The following SLC7A6 variants were observed in gnomAD, a reference collection of about 807,000 sequenced individuals.
SLC7A6 encodes Y+L amino acid transporter 2.
A neutral mutation model predicts 46.6 loss-of-function variants in SLC7A6; 29 were observed. The ratio of observed to expected loss-of-function variants is 0.62; its 90% CI spans 0.46 to 0.85. SLC7A6 has a LOEUF of 0.85. Among genes scored for constraint, SLC7A6 ranks in the 40% least tolerant of loss-of-function variants. The probability of loss-of-function intolerance (pLI) is 0.00; values close to 1 mark genes in which losing one functional copy is unlikely to be tolerated. For synonymous variants in SLC7A6, 276 were observed against 257.3 expected (o/e 1.07, Z -0.70); for missense variants, 527 against 647.6 (o/e 0.81, Z 2.02).
At chr16:68,271,812 T>C (rs997560015) in intron 2 of SLC7A6, among the ~76,000 whole-genome samples, 3 of 151,400 alleles carry the variant, frequency 2.0e-5, no homozygotes, top group African/African-American at 7.3e-5. Flanking sequence ...TTCTTTTCTT[T>C]TTTTTTTTGA....
intron 3 of SLC7A6, among the ~76,000 whole-genome samples, chr16:68,286,681 C>G (rs767338082): frequency 5.3e-5 from 8 of 152,170 alleles, no homozygotes; most frequent in Non-Finnish European, 1.0e-4. Context: ...TGCCGGGGCT[C>G]TCAGCACAGG....
chr16:68,290,206 T>C (rs2043018896), intron 4 of SLC7A6, 190 bp from the exon 5 acceptor site: 3 of 589,446 alleles, frequency 5.1e-6, no homozygotes, highest in Admixed American at 6.2e-5. Flanking sequence ...TGTTAAATTA[T>C]GTTTTTTTTT....
intron 3 of SLC7A6, among the ~76,000 whole-genome samples, chr16:68,278,860 G>A (rs2042771947): frequency 6.6e-6 from 1 of 152,064 alleles, no homozygotes; most frequent in Admixed American, 6.6e-5. Context: ...CCGGGCAGAG[G>A]GGCTCCTCAC....
At chr16:68,296,162 G>C (rs2043160739) in intron 8 of SLC7A6, among the ~76,000 whole-genome samples, 1 of 152,104 alleles carries the variant, frequency 6.6e-6, no homozygotes, top group Non-Finnish European at 1.5e-5. Context: ...GCAACAGAAG[G>C]GGGAAAGATG....
At chr16:68,272,545 T>C (rs933439682) in intron 2 of SLC7A6, among the ~76,000 whole-genome samples, 7 of 152,206 alleles carry the variant, frequency 4.6e-5, no homozygotes, top group African/African-American at 1.7e-4. Flanking sequence ...AGCAGGAACT[T>C]TGTCTTTCAT....
intron 8 of SLC7A6, 181 bp downstream of exon 8, chr16:68,294,982 C>G: frequency 1.9e-6 from 1 of 539,056 alleles, no homozygotes; most frequent in African/African-American, 1.9e-5. Flanking sequence ...TTGGATTAAT[C>G]TGGAATTTAT....
chr16:68,281,406 G>A (rs1047596807), intron 3 of SLC7A6, among the ~76,000 whole-genome samples: 1 of 152,190 alleles, frequency 6.6e-6, no homozygotes, highest in African/African-American at 2.4e-5. Flanking sequence ...AGGTCGGGGT[G>A]CTGCTGAACA....
At chr16:68,295,041 G>C (rs904244215) in intron 8 of SLC7A6, 2 of 392,046 alleles carry the variant, frequency 5.1e-6, no homozygotes, top group East Asian at 9.1e-5. Flanking sequence ...ATTTTTTCTC[G>C]AATGGCAGCC....
intron 3 of SLC7A6, among the ~76,000 whole-genome samples, chr16:68,279,762 C>G (rs2042796190): frequency 6.6e-6 from 1 of 152,242 alleles, no homozygotes; most frequent in Non-Finnish European, 1.5e-5. Flanking sequence ...TGGTCTCGAA[C>G]TCCTGAGCTC....
chr16:68,267,762 G>A (rs2042559941), intron 2 of SLC7A6, among the ~76,000 whole-genome samples: 1 of 152,154 alleles, frequency 6.6e-6, no homozygotes, highest in African/African-American at 2.4e-5. Context: ...ATGGGGGCTG[G>A]TCACTGGAAA....
chr16:68,276,120 T>C (rs1249534287), intron 3 of SLC7A6, among the ~76,000 whole-genome samples: 1 of 152,198 alleles, frequency 6.6e-6, no homozygotes, highest in Non-Finnish European at 1.5e-5. Context: ...GAGCAGCAGG[T>C]ACAACAAAAC....
chr16:68,291,743 CCTT>C (rs1364841606), intron 7 of SLC7A6, 82 bp downstream of exon 7: 3 of 1,083,632 alleles, frequency 2.8e-6, no homozygotes, highest in Non-Finnish European at 2.7e-6. Context: ...TTTTTTCCCT[CCTT>C]CTCATGGGCA....
intron 2 of SLC7A6, among the ~76,000 whole-genome samples, chr16:68,268,579 T>C (rs188751050): frequency 6.6e-6 from 1 of 152,370 alleles, no homozygotes; most frequent in Admixed American, 6.5e-5. Context: ...GTAATTGAAT[T>C]GTGATAAATT....
intron 3 of SLC7A6, among the ~76,000 whole-genome samples, chr16:68,278,777 C>T (rs189596351): frequency 0.012 from 1,895 of 152,284 alleles, 22 homozygotes; most frequent in Non-Finnish European, 0.021. Context: ...CTTTTCTATT[C>T]GACAAAACCG....
intron 3 of SLC7A6, among the ~76,000 whole-genome samples, chr16:68,277,269 T>TAG (rs2151218117): frequency 6.6e-6 from 1 of 151,274 alleles, no homozygotes; most frequent in South Asian, 2.1e-4. Flanking sequence ...GTATTTTTAG[T>TAG]AGAGAGGGGG....
In SLC7A6 at chr16:68,264,681, G is replaced by C. The variant is rs1455422812; in HGVS notation, c.-166+105G>C. 1 of 152,184 alleles carries C rather than the reference G, an allele frequency of 6.6e-6. No individual in the cohort carries two copies. The highest frequency in any genetic ancestry group is 1.5e-5 in the Non-Finnish European group (1 of 68,044). 9.4% of individuals were successfully genotyped at this position (152,184 alleles called of 1,614,324 possible). On this transcript the variant is annotated intron_variant, in intron 1 of 10. Transcript: ENST00000219343. The surrounding 1 kb of genome is among the most constrained non-coding windows in gnomAD (Gnocchi z 5.8). ...GGTCTTCGCTGCCGCCGTCGGGAGC[G>C]GGATGCGGCCCAGAAACAGCGCGGG...
intron 2 of SLC7A6, among the ~76,000 whole-genome samples, chr16:68,270,696 C>G (rs948486794): frequency 1.3e-5 from 2 of 152,242 alleles, no homozygotes; most frequent in Non-Finnish European, 2.9e-5. Context: ...ATCTCTCTAT[C>G]TCCCTGGAGG....
chr16:68,280,988 C>T (rs1201721747), intron 3 of SLC7A6, among the ~76,000 whole-genome samples: 1 of 152,264 alleles, frequency 6.6e-6, no homozygotes. Context: ...CCACCTCGGC[C>T]TCCCAAAGTG....
At chr16:68,287,720 CA>C in intron 3 of SLC7A6, 25 bp from the exon 4 acceptor site, 1 of 1,607,556 alleles carries the variant, frequency 6.2e-7, no homozygotes, top group South Asian at 1.1e-5. Flanking sequence ...TCAAGCCTGC[CA>C]GTGACTTTGT....
Sources: allele counts gnomAD v4.1 joint callset (sites outside exome capture counted in the v4.1 genomes callset), GRCh38; gene constraint gnomAD v4.1.1; non-coding constraint Gnocchi (gnomAD v3.1); transcripts MANE v1.5; gene names NCBI Gene and HGNC (gene_info 2026-07-23, HGNC 2026-07-21).